SLC24A2: variants seen among roughly 807,000 people sequenced by gnomAD.
The protein encoded by SLC24A2 is sodium/potassium/calcium exchanger 2.
A neutral mutation model predicts 62.0 loss-of-function variants in SLC24A2; 36 were observed. That is an observed-to-expected ratio of 0.58 (90% confidence interval 0.44 to 0.77). SLC24A2 has a LOEUF of 0.77. SLC24A2 is among the 30% of genes least tolerant of loss of function. The pLI is 0.00. For synonymous variants in SLC24A2, 358 were observed against 294.0 expected (o/e 1.22, Z -2.23); for missense variants, 846 against 817.9 (o/e 1.03, Z -0.42).
chr9:19,852,834 G>GT, the SLC24A2 span, among the ~76,000 whole-genome samples: 1 of 151,780 alleles, frequency 6.6e-6, no homozygotes, highest in African/African-American at 2.4e-5. Context: ...TTTTAAAATA[G>GT]TTTTTTTTCT....
At chr9:19,557,124 C>G (rs1297670132) in intron 7 of SLC24A2, among the ~76,000 whole-genome samples, 2 of 152,218 alleles carry the variant, frequency 1.3e-5, no homozygotes, top group Non-Finnish European at 2.9e-5. Flanking sequence ...TGAGTAACCC[C>G]TAAGTCCCAG....
At chr9:20,063,360 G>T in the SLC24A2 span, among the ~76,000 whole-genome samples, 1 of 150,820 alleles carries the variant, frequency 6.6e-6, no homozygotes, top group East Asian at 2.0e-4. Flanking sequence ...GATGAAATCG[G>T]AAATCATCAT....
chr9:19,694,779 G>C (rs965910954), intron 2 of SLC24A2, among the ~76,000 whole-genome samples: 9 of 152,134 alleles, frequency 5.9e-5, no homozygotes, highest in African/African-American at 1.9e-4. Context: ...ACCCTATGGA[G>C]ACAGGAGGCT....
chr9:19,846,314 T>C, the SLC24A2 span, among the ~76,000 whole-genome samples: 1 of 152,238 alleles, frequency 6.6e-6, no homozygotes, highest in Admixed American at 6.5e-5. Flanking sequence ...TAAGTCTTCT[T>C]GTTAAATATA....
At chr9:20,013,438 G>C in the SLC24A2 span, among the ~76,000 whole-genome samples, 1 of 152,046 alleles carries the variant, frequency 6.6e-6, no homozygotes, top group Non-Finnish European at 1.5e-5. Flanking sequence ...CTTAAATATA[G>C]GACCTGAAGC....
the SLC24A2 span, among the ~76,000 whole-genome samples, chr9:20,214,658 C>G: frequency 6.6e-6 from 1 of 151,896 alleles, no homozygotes; most frequent in Non-Finnish European, 1.5e-5. Context: ...AAGGGTAAAT[C>G]TCATGTTAAG....
the SLC24A2 span, among the ~76,000 whole-genome samples, chr9:20,060,016 C>CT: frequency 6.6e-6 from 1 of 152,016 alleles, no homozygotes; most frequent in Non-Finnish European, 1.5e-5. Flanking sequence ...TAAGAGAACA[C>CT]TATGAACAAC....
At chr9:19,702,527 G>A (rs1382993634) in intron 2 of SLC24A2, among the ~76,000 whole-genome samples, 1 of 152,146 alleles carries the variant, frequency 6.6e-6, no homozygotes, top group Non-Finnish European at 1.5e-5. Flanking sequence ...TTACATTTGA[G>A]TATTTTTTAT....
At chr9:20,047,529 A>G in the SLC24A2 span, among the ~76,000 whole-genome samples, 99 of 148,194 alleles carry the variant, frequency 6.7e-4, 1 homozygote, top group East Asian at 0.019. Context: ...TTTATTTCTT[A>G]TGTTTCTGAA....
At chr9:20,037,135 T>G in the SLC24A2 span, among the ~76,000 whole-genome samples, 1 of 152,010 alleles carries the variant, frequency 6.6e-6, no homozygotes, top group Non-Finnish European at 1.5e-5. Context: ...TGACCCCAGG[T>G]TACCCACCCA....
chr9:19,636,286 C>CTTCTTCTCTTCTTCTCTTCTTTTCTT (rs1818314587), intron 2 of SLC24A2, among the ~76,000 whole-genome samples: 2 of 88,086 alleles, frequency 2.3e-5, no homozygotes, highest in Non-Finnish European at 4.6e-5. Flanking sequence ...CTCTTCTTCT[C>CTTCTTCTCTTCTTCTCTTCTTTTCTT]TTCTTTTCTT....
chr9:19,891,601 C>T, the SLC24A2 span, among the ~76,000 whole-genome samples: 11 of 152,082 alleles, frequency 7.2e-5, no homozygotes, highest in African/African-American at 2.7e-4. Flanking sequence ...GCTCTCTGGG[C>T]TTGGCATAGT....
At chr9:19,559,112 G>C (rs1835266650) in intron 7 of SLC24A2, among the ~76,000 whole-genome samples, 1 of 152,152 alleles carries the variant, frequency 6.6e-6, no homozygotes, top group African/African-American at 2.4e-5. Context: ...TTGGCACATA[G>C]TGAACACTCA....
rs367561253 is a variant in SLC24A2 at position 19,640,001 on chromosome 9, C to T, written c.931-17702G>A. 9.8e-5 allele frequency among the ~76,000 whole-genome samples: 15 copies of T among 152,334 alleles called. No individual in the cohort carries two copies. The East Asian group carries it at 1.9e-3, about 20-fold the overall frequency. On this transcript the variant is annotated intron_variant, in intron 2 of 10. Coordinates refer to ENST00000341998, the MANE Select transcript of SLC24A2 (RefSeq NM_020344.4). ...TGTTTGTGAATGGATTTCTAAGATC[C>T]TTCATGCTTCAGCATAGTAACTTGA...
intron 2 of SLC24A2, among the ~76,000 whole-genome samples, chr9:19,644,519 C>T (rs953996117): frequency 9.9e-5 from 15 of 152,122 alleles, no homozygotes; most frequent in Non-Finnish European, 2.1e-4. Context: ...TTGCCCAGTG[C>T]GTATGATTGT....
In SLC24A2 at chr9:19,654,993, C is replaced by A. The variant is rs887734727; in HGVS notation, c.931-32694G>T. ...TTTCCTTACAAATACTCATTGCATA[C>A]AGCCTGTAACCTACTTATCACCTGT... On this transcript the variant is annotated intron_variant, in intron 2 of 10. Coordinates refer to ENST00000341998, the MANE Select transcript of SLC24A2 (RefSeq NM_020344.4). 4.6e-5 allele frequency among the ~76,000 whole-genome samples: 7 copies of A among 152,212 alleles called. No homozygotes were observed. The South Asian group carries it at 1.0e-3, about 23-fold the overall frequency.
the SLC24A2 span, among the ~76,000 whole-genome samples, chr9:20,016,860 C>T: frequency 6.6e-6 from 1 of 152,014 alleles, no homozygotes; most frequent in East Asian, 1.9e-4. Flanking sequence ...ACTTGGGTAT[C>T]AGGAGAGATA....
At chr9:20,008,209 T>G in the SLC24A2 span, among the ~76,000 whole-genome samples, 1 of 151,988 alleles carries the variant, frequency 6.6e-6, no homozygotes, top group East Asian at 1.9e-4. Flanking sequence ...CTTCCCTCTC[T>G]TAAGCCTGAC....
the SLC24A2 span, among the ~76,000 whole-genome samples, chr9:20,294,465 T>G: frequency 6.6e-6 from 1 of 152,156 alleles, no homozygotes; most frequent in Non-Finnish European, 1.5e-5. Context: ...GCTGCTGCAT[T>G]TTAGGAAACG....
Sources: allele counts gnomAD v4.1 joint callset (sites outside exome capture counted in the v4.1 genomes callset), GRCh38; gene constraint gnomAD v4.1.1; transcripts MANE v1.5; gene names NCBI Gene and HGNC (gene_info 2026-07-23, HGNC 2026-07-21).